The following SPIDR variants were observed in gnomAD, a reference collection of about 807,000 sequenced individuals.
SPIDR encodes DNA repair-scaffolding protein.
In SPIDR, 93 loss-of-function variants were observed where a neutral mutation model predicts 104.6. The observed-to-expected ratio is 0.89, with a 90% CI of 0.75 to 1.06. The LOEUF (loss-of-function observed/expected upper bound fraction) is 1.06. SPIDR is among the 50% of genes least tolerant of loss of function. The probability of loss-of-function intolerance (pLI) is 0.00; values close to 1 mark genes in which losing one functional copy is unlikely to be tolerated. For synonymous variants in SPIDR, 431 were observed against 416.9 expected (o/e 1.03, Z -0.41); for missense variants, 1,154 against 1,111.2 (o/e 1.04, Z -0.55).
Position 47,542,741 on chromosome 8 carries a change from T to G in SPIDR, c.1098-53070T>G, listed in dbSNP as rs1218706681. ...AGGGTAATATCTTGCAGAACTGTCA[T>G]ACAATGTAAAAACCAGATCTTGTTA... On this transcript the variant is annotated intron_variant, in intron 8 of 19. Coordinates refer to ENST00000297423, the MANE Select transcript of SPIDR (RefSeq NM_001080394.4). Among the ~76,000 whole-genome samples, 2 of 152,162 alleles carry G rather than the reference T, an allele frequency of 1.3e-5. 1 individual carries two copies. The highest frequency in any genetic ancestry group is 1.3e-4 in the Admixed American group (2 of 15,262).
At chr8:47,417,453 T>C (rs1401867576) in intron 7 of SPIDR, among the ~76,000 whole-genome samples, 1 of 152,220 alleles carries the variant, frequency 6.6e-6, no homozygotes, top group Admixed American at 6.5e-5. Flanking sequence ...TCATATCCTT[T>C]GCCCACTTGT....
chr8:47,731,798 A>AACTGCCC (rs1247199328), intron 19 of SPIDR, among the ~76,000 whole-genome samples: 1 of 152,168 alleles, frequency 6.6e-6, no homozygotes, highest in Admixed American at 6.5e-5. Context: ...GAAAGGGGGG[A>AACTGCCC]ACTGCCCACA....
chr8:47,323,213 T>C (rs1040213961), intron 5 of SPIDR, among the ~76,000 whole-genome samples: 1 of 152,234 alleles, frequency 6.6e-6, no homozygotes, highest in Non-Finnish European at 1.5e-5. Flanking sequence ...ATATTGGTTT[T>C]TGCTAGTATC....
At chr8:47,675,951 C>T (rs2076386861) in intron 11 of SPIDR, among the ~76,000 whole-genome samples, 1 of 152,222 alleles carries the variant, frequency 6.6e-6, no homozygotes, top group Non-Finnish European at 1.5e-5. Context: ...CTGGCAAGGA[C>T]ACGAGGGGGC....
intron 5 of SPIDR, among the ~76,000 whole-genome samples, chr8:47,310,680 G>T (rs2043982613): frequency 6.6e-6 from 1 of 152,148 alleles, no homozygotes; most frequent in Admixed American, 6.6e-5. Flanking sequence ...AGAGTTAGGG[G>T]TGACTCTAGC....
intron 8 of SPIDR, chr8:47,547,285 T>C (rs1205425230): frequency 3.4e-6 from 2 of 586,066 alleles, no homozygotes; most frequent in East Asian, 8.5e-5. Context: ...CTTGGTGTCA[T>C]AGATGAGACG....
At chr8:47,714,701 T>C (rs1357734699) in intron 16 of SPIDR, among the ~76,000 whole-genome samples, 2 of 152,138 alleles carry the variant, frequency 1.3e-5, no homozygotes, top group Admixed American at 1.3e-4. Flanking sequence ...ATTCTGCCAC[T>C]TGCTTCCCTC....
chr8:47,491,470 CTA>C (rs151328501), intron 8 of SPIDR, among the ~76,000 whole-genome samples: 55 of 145,872 alleles, frequency 3.8e-4, no homozygotes, highest in African/African-American at 3.7e-4. Context: ...GTGACCACAA[CTA>C]TATATATATA....
intron 8 of SPIDR, among the ~76,000 whole-genome samples, chr8:47,493,217 A>T (rs981168254): frequency 2.6e-5 from 4 of 152,194 alleles, no homozygotes; most frequent in African/African-American, 7.2e-5. Flanking sequence ...TGCCATACAC[A>T]GGACAGATTT....
At chr8:47,608,073 C>G (rs1008330104) in intron 10 of SPIDR, among the ~76,000 whole-genome samples, 1 of 152,148 alleles carries the variant, frequency 6.6e-6, no homozygotes, top group African/African-American at 2.4e-5. Context: ...TTTCTGCAAC[C>G]TCAAAAAGAA....
At chr8:47,365,542 C>T (rs34099416) in intron 5 of SPIDR, among the ~76,000 whole-genome samples, 79,693 of 151,950 alleles carry the variant, frequency 0.52, 24,630 homozygotes, top group East Asian at 0.72. Context: ...CCTCTCTAGG[C>T]GGACTTTCAG....
chr8:47,367,769 T>C (rs1455568601), intron 5 of SPIDR, among the ~76,000 whole-genome samples: 1 of 152,162 alleles, frequency 6.6e-6, no homozygotes, highest in Non-Finnish European at 1.5e-5. Context: ...AGCAGCAGCA[T>C]TGTAGCAGAT....
intron 10 of SPIDR, among the ~76,000 whole-genome samples, chr8:47,600,022 T>C (rs1399585867): frequency 1.3e-5 from 2 of 151,984 alleles, no homozygotes; most frequent in Non-Finnish European, 2.9e-5. Context: ...CCTCCCAAAG[T>C]GCTGGTATTA....
At chr8:47,635,664 T>C (rs987706266) in intron 10 of SPIDR, among the ~76,000 whole-genome samples, 23 of 152,108 alleles carry the variant, frequency 1.5e-4, no homozygotes, top group African/African-American at 5.3e-4. Flanking sequence ...TGTGGTATGC[T>C]ATGATCATGC....
At chr8:47,718,919 T>C (rs1001884400) in intron 16 of SPIDR, among the ~76,000 whole-genome samples, 9 of 152,044 alleles carry the variant, frequency 5.9e-5, no homozygotes, top group African/African-American at 2.2e-4. Context: ...CTTGATGCTC[T>C]CCCTTCCCCT....
rs548690054 is a variant in SPIDR, at chr8:47,437,668, G to A, written c.878-2655G>A. ...CATCATCACTGGCCATCAGAGAAAT[G>A]CAAATCAAAACCACAATGAGATACC... is the stretch of plus-strand genomic sequence containing the variant. On this transcript the variant is annotated intron_variant, in intron 7 of 19. Coordinates refer to ENST00000297423, the MANE Select transcript of SPIDR (RefSeq NM_001080394.4). 8.6e-5 allele frequency among the ~76,000 whole-genome samples: 13 copies of A among 152,010 alleles called. No homozygotes were observed. The East Asian group carries it at 2.1e-3, about 25-fold the overall frequency.
At position 47,534,758 on chromosome 8, in the gene SPIDR, C is replaced by T. The variant is rs143494109; in HGVS notation, c.1098-61053C>T. Among the ~76,000 whole-genome samples the T allele has an allele frequency of 3.3e-5, 5 of 152,012 alleles. No homozygotes were observed. The East Asian group carries it at 9.7e-4, about 29-fold the overall frequency. ...CATGTTTACCTATGTAACAAACCTT[C>T]ACATGTACTCTCAAACCTAAAATAA... On this transcript the variant is annotated intron_variant, in intron 8 of 19. Transcript: ENST00000297423.
At chr8:47,637,167 A>C (rs1165414274) in intron 10 of SPIDR, among the ~76,000 whole-genome samples, 6 of 152,226 alleles carry the variant, frequency 3.9e-5, no homozygotes, top group Admixed American at 3.3e-4. Context: ...AGGACACCAC[A>C]TTATACTCAG....
At chr8:47,702,534 C>A (rs1589342583) in intron 14 of SPIDR, among the ~76,000 whole-genome samples, 1 of 152,104 alleles carries the variant, frequency 6.6e-6, no homozygotes, top group Admixed American at 6.5e-5. Flanking sequence ...TTGGGCTGTT[C>A]TAGGGAGCAG....
Sources: allele counts gnomAD v4.1 joint callset (sites outside exome capture counted in the v4.1 genomes callset), GRCh38; gene constraint gnomAD v4.1.1; transcripts MANE v1.5; gene names NCBI Gene and HGNC (gene_info 2026-07-23, HGNC 2026-07-21).